SUPT5H: variants seen among roughly 807,000 people sequenced by gnomAD.
The protein encoded by SUPT5H is SPT5 homolog, DSIF elongation factor subunit.
A neutral mutation model predicts 142.5 loss-of-function variants in SUPT5H; 24 were observed. The observed-to-expected ratio is 0.17, with a 90% CI of 0.12 to 0.24. The LOEUF (loss-of-function observed/expected upper bound fraction) is 0.24. Among genes scored for constraint, SUPT5H ranks in the 10% least tolerant of loss-of-function variants. SUPT5H has a pLI of 1.00. For synonymous variants in SUPT5H, 546 were observed against 553.0 expected (o/e 0.99, Z 0.18); for missense variants, 893 against 1,471.8 (o/e 0.61, Z 6.43).
intron 14 of SUPT5H, 52 bp downstream of exon 14, chr19:39,468,913 G>A: frequency 5.7e-6 from 9 of 1,576,518 alleles, no homozygotes; most frequent in Non-Finnish European, 7.9e-6. Context: ...GTGTTCTCCT[G>A]CAGGTGATGC....
chr19:39,465,912 T>C (rs926694554), intron 11 of SUPT5H, among the ~76,000 whole-genome samples: 1 of 152,222 alleles, frequency 6.6e-6, no homozygotes, highest in African/African-American at 2.4e-5. Flanking sequence ...TTTCAGCTTT[T>C]GGAATATTTG....
chr19:39,466,876 G>A lies in SUPT5H; in HGVS notation c.1037+131G>A. 2 of 824,374 alleles carry A rather than the reference G, an allele frequency of 2.4e-6. No homozygotes were observed. The highest frequency in any genetic ancestry group is 4.0e-6 in the Non-Finnish European group (2 of 494,630). 51.1% of individuals were successfully genotyped at this position (824,374 alleles called of 1,614,324 possible). ...GTGAATTGGTTAGCTTGGCAGTATA[G>A]CCTCAGGCAAGTCACTTCACATCCC... is the stretch of plus-strand genomic sequence containing the variant. On this transcript the variant is annotated intron_variant, in intron 13 of 29. Transcript: ENST00000432763. This position sits in a 1 kb window ranked among gnomAD's most constrained non-coding sequence, Gnocchi z 4.3.
intron 2 of SUPT5H, among the ~76,000 whole-genome samples, chr19:39,446,407 A>G (rs1015237911): frequency 2.0e-5 from 3 of 152,196 alleles, no homozygotes; most frequent in African/African-American, 4.8e-5. Context: ...GCTGGAAGGT[A>G]CTCTGGAGAA....
Position 39,476,352 on chromosome 19 carries a change from C to A in SUPT5H, c.3217C>A (p.Leu1073Ile). Residue 1073 changes from leucine to isoleucine, a missense_variant, in exon 30 of 30, where the codon CTC becomes ATC. By Grantham distance (5) the Leu-to-Ile change is conservative (BLOSUM62 2). This residue lies in a region of SUPT5H where 336 missense variants were observed against 546.5 expected (regional missense o/e 0.61). Transcript: ENST00000432763. ...TGTCCGTATGGACCTTGATGAGCAG[C>A]TCAAGATCCTCAACCTCCGCTTCCT... Reference protein sequence around the residue: ...GIVRMDLDEQLKILNLRFLGK... With the variant: ...GIVRMDLDEQIKILNLRFLGK... 1 of 1,614,148 alleles carries A rather than the reference C, an allele frequency of 6.2e-7. No homozygotes were observed. The highest frequency in any genetic ancestry group is 8.5e-7 in the Non-Finnish European group (1 of 1,180,026).
rs2079122250 is a variant in SUPT5H at position 39,458,601 on chromosome 19, C to T, written c.320-217C>T. 1 of 690,642 alleles carries T rather than the reference C, an allele frequency of 1.4e-6. No individual in the cohort carries two copies. The highest frequency in any genetic ancestry group is 1.8e-5 in the African/African-American group (1 of 55,698). 42.8% of individuals were successfully genotyped at this position (690,642 alleles called of 1,614,324 possible). A position where few individuals can be genotyped will look rare whatever the true frequency, so the allele number is the denominator to read the frequency against. ...ACTTTGAGATGGGAACAGCTGGAAGCCCCCCAACTTGCTGGGCCCCATCCC... is the reference window on the plus strand; with the variant it reads ...ACTTTGAGATGGGAACAGCTGGAAGTCCCCCAACTTGCTGGGCCCCATCCC... On this transcript the variant is annotated intron_variant, in intron 5 of 29. Transcript: ENST00000432763. This position sits in a 1 kb window ranked among gnomAD's most constrained non-coding sequence, Gnocchi z 4.2.
At chr19:39,468,694 G>A in intron 13 of SUPT5H, 62 bp from the exon 14 acceptor site, 1 of 1,471,128 alleles carries the variant, frequency 6.8e-7, no homozygotes, top group Non-Finnish European at 9.5e-7. Flanking sequence ...AGAAGACTGA[G>A]GTACAGCAAG....
At chr19:39,459,430 G>A (rs976856379) in intron 8 of SUPT5H, 129 bp from the exon 9 acceptor site, 38 of 1,374,132 alleles carry the variant, frequency 2.8e-5, no homozygotes, top group Non-Finnish European at 3.4e-5. Flanking sequence ...GGGTAGAAGC[G>A]TGGGGAAGTC....
At position 39,458,033 on chromosome 19, in the gene SUPT5H, C is replaced by A. The variant is rs915629297; in HGVS notation, c.308-261C>A. On this transcript the variant is annotated intron_variant, in intron 4 of 29. Coordinates refer to ENST00000432763, the MANE Select transcript of SUPT5H (RefSeq NM_001111020.3). The surrounding 1 kb of genome is among the most constrained non-coding windows in gnomAD (Gnocchi z 4.2). ...TGGGCGAGCTCTGTCCCAAGATACC[C>A]CCCACTTCCTGGGCCAGTGCCCCCC... is the stretch of plus-strand genomic sequence containing the variant. 2 of 727,232 alleles carry A rather than the reference C, an allele frequency of 2.8e-6. No homozygotes were observed. The highest frequency in any genetic ancestry group is 4.5e-6 in the Non-Finnish European group (2 of 443,966). The allele number at this position is 727,232 out of a possible 1,614,324, so 45.0% of individuals were successfully genotyped here.
chr19:39,459,838 T>G (rs529062217), intron 9 of SUPT5H, 54 bp from the exon 10 acceptor site: 2 of 1,589,032 alleles, frequency 1.3e-6, no homozygotes, highest in Non-Finnish European at 1.7e-6. Flanking sequence ...CCCCCTTTCC[T>G]GTGTCCTTTC....
At position 39,474,830 on chromosome 19, in the gene SUPT5H, T is replaced by C. The variant is rs912852586; in HGVS notation, c.3024+112T>C. The stretch of plus-strand genomic sequence containing the variant: ...CAGCCCAGAGTGGGCAGAGCTGGGA[T>C]TGAGGAAGCCTAGAGGGCAAGGGGA... On this transcript the variant is annotated intron_variant, in intron 28 of 29. Coordinates refer to ENST00000432763, the MANE Select transcript of SUPT5H (RefSeq NM_001111020.3). The surrounding 1 kb of genome is among the most constrained non-coding windows in gnomAD (Gnocchi z 6.5). The C allele has an allele frequency of 2.8e-5, 35 of 1,243,656 alleles. 1 individual carries two copies. In the South Asian group the frequency reaches 4.3e-4, roughly 15 times the overall value. 77.0% of individuals were successfully genotyped at this position (1,243,656 alleles called of 1,614,324 possible).
chr19:39,470,307 C>T lies in SUPT5H; in HGVS notation c.1530+33C>T, dbSNP rs747079867. 2.6e-5 allele frequency: 41 copies of T among 1,548,338 alleles called. No individual in the cohort carries two copies. Among genetic ancestry groups the T allele is most frequent in the Middle Eastern group, 1.7e-4 (1 of 5,772 alleles). On this transcript the variant is annotated intron_variant, in intron 17 of 29. Coordinates refer to ENST00000432763, the MANE Select transcript of SUPT5H (RefSeq NM_001111020.3). The surrounding 1 kb of genome is among the most constrained non-coding windows in gnomAD (Gnocchi z 5.8). ...GATAGAAGGGTCGGGGAAGGGTGCA[C>T]GTGCCAAGAGGAGACCCAGGTAGGC...
intron 28 of SUPT5H, chr19:39,475,773 C>G (rs1041194156): frequency 5.7e-5 from 20 of 353,762 alleles, no homozygotes; most frequent in Non-Finnish European, 8.9e-5. Flanking sequence ...TCCCTGAGAC[C>G]AGGTCCAGGA....
At position 39,466,243 on chromosome 19, in the gene SUPT5H, C is replaced by T. The variant is rs1161483447; in HGVS notation, c.877-237C>T. Reference sequence around the variant, plus strand: ...GAATCAGCGGTTTGGCTGCGGTCGTCCTGGATTTGAGGGACCTTTAGACAT... The same window carrying T: ...GAATCAGCGGTTTGGCTGCGGTCGTTCTGGATTTGAGGGACCTTTAGACAT... On this transcript the variant is annotated intron_variant, in intron 11 of 29. Transcript: ENST00000432763. This position sits in a 1 kb window ranked among gnomAD's most constrained non-coding sequence, Gnocchi z 4.3. Among the ~76,000 whole-genome samples the T allele has an allele frequency of 6.6e-6, 1 of 152,052 alleles. No homozygotes were observed. The highest frequency in any genetic ancestry group is 1.5e-5 in the Non-Finnish European group (1 of 68,014).
Position 39,473,480 on chromosome 19 carries a change from G to C in SUPT5H, c.2451G>C (p.Gln817His), listed in dbSNP as rs2146128055. ...PLHDGSRTPA[Q>H]SGAWDPNNPN... is the part of the protein sequence containing the mutation. ...ATGATGGCAGCCGCACTCCTGCCCAGAGTGGGGCCTGGGACCCCAACAACC... is the reference window on the plus strand; with the variant it reads ...ATGATGGCAGCCGCACTCCTGCCCACAGTGGGGCCTGGGACCCCAACAACC... Residue 817 changes from glutamine (Q) to histidine (H), a missense_variant, in exon 25 of 30, where the codon CAG becomes CAC. Around this residue, in one of 6 missense-constraint regions of SUPT5H, gnomAD observed 336 missense variants for 546.5 expected, o/e 0.61. Transcript: ENST00000432763. The surrounding 1 kb of genome is among the most constrained non-coding windows in gnomAD (Gnocchi z 5.8). 6.2e-7 allele frequency: 1 copy of C among 1,612,734 alleles called. No homozygotes were observed. Among genetic ancestry groups the C allele is most frequent in the African/African-American group, 1.3e-5 (1 of 75,018 alleles).
Position 39,469,195 on chromosome 19 carries a change from C to A in SUPT5H, c.1237+23C>A. The A allele has an allele frequency of 6.2e-7, 1 of 1,614,234 alleles. No individual in the cohort carries two copies. The highest frequency in any genetic ancestry group is 8.5e-7 in the Non-Finnish European group (1 of 1,180,030). On this transcript the variant is annotated intron_variant, in intron 15 of 29. Transcript: ENST00000432763. The surrounding 1 kb of genome is among the most constrained non-coding windows in gnomAD (Gnocchi z 5.1). ...CAGGTATTTGATCCCCCTCTATAACCTGGGCCAAGGAGCAGGGGCGGCCCA... is the reference window on the plus strand; with the variant it reads ...CAGGTATTTGATCCCCCTCTATAACATGGGCCAAGGAGCAGGGGCGGCCCA...
chr19:39,472,288 A>G lies in SUPT5H; in HGVS notation c.1951-121A>G. 1.1e-6 allele frequency: 1 copy of G among 885,686 alleles called. No individual in the cohort carries two copies. The highest frequency in any genetic ancestry group is 1.8e-6 in the Non-Finnish European group (1 of 545,146). 54.9% of individuals were successfully genotyped at this position (885,686 alleles called of 1,614,324 possible). A position where few individuals can be genotyped will look rare whatever the true frequency, so the allele number is the denominator to read the frequency against. ...AGGACCAGCTGTCACAGAGGAATTCAGGCCTGGGGTGTGGGTGGCTGGGTG... is the reference window on the plus strand; with the variant it reads ...AGGACCAGCTGTCACAGAGGAATTCGGGCCTGGGGTGTGGGTGGCTGGGTG... On this transcript the variant is annotated intron_variant, in intron 20 of 29. Coordinates refer to ENST00000432763, the MANE Select transcript of SUPT5H (RefSeq NM_001111020.3). This position sits in a 1 kb window ranked among gnomAD's most constrained non-coding sequence, Gnocchi z 4.2.
intron 28 of SUPT5H, chr19:39,475,815 CA>C: frequency 4.6e-5 from 22 of 477,348 alleles, no homozygotes; most frequent in South Asian, 1.9e-4. Context: ...ACGCTGAGGC[CA>C]GTTTGGGACA....
At chr19:39,465,782 T>C (rs1435113623) in intron 11 of SUPT5H, among the ~76,000 whole-genome samples, 11 of 152,222 alleles carry the variant, frequency 7.2e-5, no homozygotes, top group Admixed American at 7.2e-4. Flanking sequence ...AGGAGGCTGC[T>C]GCTGTAGCAC....
At chr19:39,445,723 C>T (rs143057133) in intron 1 of SUPT5H, 81 bp from the exon 2 acceptor site, 65 of 742,124 alleles carry the variant, frequency 8.8e-5, no homozygotes, top group Admixed American at 8.2e-4. Context: ...TAGCATGTGG[C>T]GTAGGAGGGG....
Sources: gnomAD v4.1 joint callset for allele counts (sites outside exome capture counted in the v4.1 genomes callset) on GRCh38, gnomAD v4.1.1 for gene constraint, gnomAD v4.1.1 regional missense constraint, Gnocchi (gnomAD v3.1) non-coding constraint, MANE v1.5 for transcripts, NCBI Gene and HGNC (gene_info 2026-07-23, HGNC 2026-07-21) for gene names.